Variants in OGFOD3 observed in about 807,000 individuals in gnomAD.
The protein encoded by OGFOD3 is 2-oxoglutarate and iron dependent oxygenase domain containing 3.
In OGFOD3, 35 loss-of-function variants were observed where a neutral mutation model predicts 39.8. The ratio of observed to expected loss-of-function variants is 0.88; its 90% CI spans 0.67 to 1.17. OGFOD3 has a LOEUF of 1.17. OGFOD3 is among the 50% of genes most tolerant of loss of function. The pLI is 0.00. For missense variants in OGFOD3, 438 were observed against 454.5 expected (o/e 0.96, Z 0.33); for synonymous variants, 200 against 192.0 (o/e 1.04, Z -0.34).
chr17:82,402,832 A>T (rs1294771325), intron 7 of OGFOD3, among the ~76,000 whole-genome samples: 1 of 152,106 alleles, frequency 6.6e-6, no homozygotes, highest in Admixed American at 6.5e-5. Context: ...AGGCGGGAGG[A>T]TTGCTTCAGC....
chr17:82,393,570 T>A (rs1391714927), intron 8 of OGFOD3: 1 of 152,260 alleles, frequency 6.6e-6, no homozygotes, highest in Non-Finnish European at 1.5e-5. Context: ...CACCTCCAGA[T>A]ATGCAGGACA....
At position 82,418,503 on chromosome 17, in the gene OGFOD3, G is replaced by C. The variant is rs1485326212; in HGVS notation, c.-18C>G. ...GGAGCCATCGGACCAGGCCGCCGCG[G>C]AGCCGGGCCGGACGCGGGCGCCAGG... On this transcript the variant is annotated 5_prime_UTR_variant, in exon 1 of 9. Coordinates refer to ENST00000313056, the MANE Select transcript of OGFOD3 (RefSeq NM_024648.3). 1.5e-6 allele frequency: 2 copies of C among 1,340,228 alleles called. No individual in the cohort carries two copies. The highest frequency in any genetic ancestry group is 1.5e-5 in the African/African-American group (1 of 64,920). 83.0% of individuals were successfully genotyped at this position (1,340,228 alleles called of 1,614,324 possible). A position where few individuals can be genotyped will look rare whatever the true frequency, so the allele number is the denominator to read the frequency against.
At position 82,392,494 on chromosome 17, in the gene OGFOD3, G is replaced by A. The variant is rs142923190; in HGVS notation, c.864C>T (p.His288=). ...SFFTSGSENL[H]RVEKVHWGTR... is the part of the protein sequence containing the mutation. ...TGCCCCAGTGGACCTTCTCCACGCG[G>A]TGTAGGTTCTCGGACCCCGAGGTGA... The change falls in exon 9 of 9, where the codon CAC becomes CAT. Residue 288 remains histidine, a synonymous_variant. Coordinates refer to ENST00000313056, the MANE Select transcript of OGFOD3 (RefSeq NM_024648.3). The surrounding 1 kb of genome is among the most constrained non-coding windows in gnomAD (Gnocchi z 4.2). 605 of 1,605,650 alleles carry A rather than the reference G, an allele frequency of 3.8e-4. No homozygotes were observed. The highest frequency in any genetic ancestry group is 4.9e-4 in the Non-Finnish European group (576 of 1,176,624).
At chr17:82,405,289 G>A (rs373713514) in intron 6 of OGFOD3, 35 bp downstream of exon 6, 54 of 1,213,382 alleles carry the variant, frequency 4.5e-5, no homozygotes, top group Admixed American at 1.3e-4. Context: ...AGGCCACCCC[G>A]CCTGCGAACC....
rs2052815256 is a variant in OGFOD3 at position 82,404,169 on chromosome 17, A to AAAGGAACCAGCCTTCGTACG, written c.546-99_546-80dup. Reference sequence around the variant, plus strand: ...TGGGTCCCAACCCGTGGGTGGCAGGAAAGGAACCAGCCTTCGTACGGCTCC... The same window carrying AAAGGAACCAGCCTTCGTACG: ...TGGGTCCCAACCCGTGGGTGGCAGGAAAGGAACCAGCCTTCGTACGAAGGAACCAGCCTTCGTACGGCTCC... On this transcript the variant is annotated intron_variant, in intron 6 of 8. Transcript: ENST00000313056. This position sits in a 1 kb window ranked among gnomAD's most constrained non-coding sequence, Gnocchi z 4.5. The AAAGGAACCAGCCTTCGTACG allele has an allele frequency of 6.2e-6, 9 of 1,447,496 alleles. No homozygotes were observed. The East Asian group carries it at 2.2e-4, about 35-fold the overall frequency. The allele number at this position is 1,447,496 out of a possible 1,614,324, so 89.7% of individuals were successfully genotyped here. A position where few individuals can be genotyped will look rare whatever the true frequency, so the allele number is the denominator to read the frequency against.
intron 4 of OGFOD3, among the ~76,000 whole-genome samples, chr17:82,407,672 C>T (rs940242392): frequency 3.9e-5 from 6 of 152,216 alleles, no homozygotes; most frequent in African/African-American, 1.2e-4. Context: ...ACTGGCCCTG[C>T]GGCACTAACC....
At chr17:82,411,139 C>T (rs974931336) in intron 3 of OGFOD3, among the ~76,000 whole-genome samples, 15 of 151,934 alleles carry the variant, frequency 9.9e-5, no homozygotes, top group South Asian at 6.2e-4. Context: ...CTCTGCCTCC[C>T]GGGTTCCAGC....
intron 7 of OGFOD3, among the ~76,000 whole-genome samples, chr17:82,403,069 AAAAG>A (rs1320589041): frequency 6.6e-6 from 1 of 152,178 alleles, no homozygotes; most frequent in African/African-American, 2.4e-5. Context: ...CAAAAGAAAT[AAAAG>A]AAAGAAAGAT....
rs758963690 is a variant in OGFOD3 at position 82,403,961 on chromosome 17, C to CTCG, written c.672_674dup (p.Asp224dup). On this transcript the variant is annotated inframe_insertion, in exon 7 of 9. Coordinates refer to ENST00000313056, the MANE Select transcript of OGFOD3 (RefSeq NM_024648.3). ...CCTTGTCCACGTGCGCATGCCAGTA[C>CTCG]TCGTCGTGCGCCGTCCGCGCTTCCG... 3.1e-6 allele frequency: 5 copies of CTCG among 1,607,306 alleles called. No homozygotes were observed. The highest frequency in any genetic ancestry group is 2.7e-5 in the African/African-American group (2 of 74,890).
In OGFOD3 at chr17:82,390,029, AAAG is replaced by A. The variant is rs911520772; in HGVS notation, c.*2366_*2368del. The A allele has an allele frequency of 3.5e-4, 54 of 152,296 alleles. No homozygotes were observed. The highest frequency in any genetic ancestry group is 1.3e-3 in the African/African-American group (52 of 41,558). The allele number at this position is 152,296 out of a possible 1,614,324, so 9.4% of individuals were successfully genotyped here. A position where few individuals can be genotyped will look rare whatever the true frequency, so the allele number is the denominator to read the frequency against. On this transcript the variant is annotated 3_prime_UTR_variant, in exon 9 of 9. Transcript: ENST00000313056. The surrounding 1 kb of genome is among the most constrained non-coding windows in gnomAD (Gnocchi z 4.9). ...GAGTTAGACTCCGTCTCAAAAAAAA[AAAG>A]AAGGAAATTCTTGCTTTTGCCCAAA...
chr17:82,411,363 C>T (rs2052939315), intron 3 of OGFOD3, 92 bp downstream of exon 3: 2 of 1,195,452 alleles, frequency 1.7e-6, no homozygotes, highest in East Asian at 2.4e-5. Context: ...TCCTTAAAAC[C>T]ACTTTATTAC....
rs1230960759 is a variant in OGFOD3 at position 82,403,793 on chromosome 17, G to A, written c.699+144C>T. On this transcript the variant is annotated intron_variant, in intron 7 of 8. Transcript: ENST00000313056. ...CCCTGCCCACGTGCGTACTCACCCTGCCCACGTACGCACTCACCCTGCCCA... is the reference window on the plus strand; with the variant it reads ...CCCTGCCCACGTGCGTACTCACCCTACCCACGTACGCACTCACCCTGCCCA... 2.7e-5 allele frequency: 30 copies of A among 1,092,712 alleles called. No homozygotes were observed. In the South Asian group the frequency reaches 4.1e-4, roughly 15 times the overall value. 67.7% of individuals were successfully genotyped at this position (1,092,712 alleles called of 1,614,324 possible).
At chr17:82,394,669 C>T in intron 8 of OGFOD3, 1 of 650,442 alleles carries the variant, frequency 1.5e-6, no homozygotes, top group South Asian at 2.2e-5. Context: ...CCTCTGAGCC[C>T]TCAGAACATC....
Position 82,406,082 on chromosome 17 carries a change from C to T in OGFOD3, c.488+336G>A, listed in dbSNP as rs1458880150. 6.6e-6 allele frequency among the ~76,000 whole-genome samples: 1 copy of T among 152,186 alleles called. No homozygotes were observed. Among genetic ancestry groups the T allele is most frequent in the African/African-American group, 2.4e-5 (1 of 41,442 alleles). On this transcript the variant is annotated intron_variant, in intron 5 of 8. Transcript: ENST00000313056. The surrounding 1 kb of genome is among the most constrained non-coding windows in gnomAD (Gnocchi z 5.2). ...GCCCCTCATGGAGCGTCAAAGGCCCCGTTGGATTCTTGGAAGCTGCTCCTG... is the reference window on the plus strand; with the variant it reads ...GCCCCTCATGGAGCGTCAAAGGCCCTGTTGGATTCTTGGAAGCTGCTCCTG...
At chr17:82,408,095 A>T (rs1428731759) in intron 4 of OGFOD3, among the ~76,000 whole-genome samples, 1 of 152,156 alleles carries the variant, frequency 6.6e-6, no homozygotes, top group African/African-American at 2.4e-5. Context: ...GTGAGTGGAG[A>T]TCGCCCCATT....
chr17:82,403,841 G>A (rs1474444258), intron 7 of OGFOD3, 96 bp downstream of exon 7: 20 of 1,463,726 alleles, frequency 1.4e-5, no homozygotes, highest in Non-Finnish European at 1.6e-5. Context: ...CCTTGTCCAC[G>A]AGCGCGCTCA....
intron 7 of OGFOD3, chr17:82,400,953 C>T (rs1029225815): frequency 6.6e-6 from 1 of 152,126 alleles, no homozygotes; most frequent in African/African-American, 2.4e-5. Context: ...CGGACCAGGG[C>T]GAATCTGCTG....
intron 7 of OGFOD3, 119 bp from the exon 8 acceptor site, chr17:82,398,438 C>T (rs907367191): frequency 2.2e-5 from 28 of 1,297,014 alleles, no homozygotes; most frequent in South Asian, 4.3e-5. Flanking sequence ...CTTGCTCCAT[C>T]ACCCAGGCTG....
intron 8 of OGFOD3, among the ~76,000 whole-genome samples, chr17:82,395,048 AG>A (rs1369885463): frequency 1.3e-5 from 2 of 152,166 alleles, no homozygotes; most frequent in African/African-American, 4.8e-5. Flanking sequence ...TTGTTTAGAC[AG>A]GGTTTGGTTC....
Sources: gnomAD v4.1 joint callset for allele counts (sites outside exome capture counted in the v4.1 genomes callset) on GRCh38, gnomAD v4.1.1 for gene constraint, Gnocchi (gnomAD v3.1) non-coding constraint, MANE v1.5 for transcripts, NCBI Gene and HGNC (gene_info 2026-07-23, HGNC 2026-07-21) for gene names.